MEGF6: variants seen among roughly 807,000 people sequenced by gnomAD.
MEGF6 encodes the protein multiple EGF like domains 6, also known as multiple epidermal growth factor-like domains protein 6.
In MEGF6, 184 loss-of-function variants were observed where a neutral mutation model predicts 207.1. The ratio of observed to expected loss-of-function variants is 0.89; its 90% CI spans 0.79 to 1.00. MEGF6 has a LOEUF of 1.00. Ranked by LOEUF, MEGF6 falls within the 50% of genes least tolerant of loss-of-function variation. The pLI is 0.00. For missense variants in MEGF6, 2,282 were observed against 2,202.9 expected (o/e 1.04, Z -0.72); for synonymous variants, 1,038 against 910.0 (o/e 1.14, Z -2.53).
At chr1:3,578,415 G>A (rs2101742033) in intron 4 of MEGF6, among the ~76,000 whole-genome samples, 2 of 152,284 alleles carry the variant, frequency 1.3e-5, no homozygotes, top group East Asian at 3.9e-4. Flanking sequence ...ATCCTGTGTG[G>A]ACCCCACCTG....
At chr1:3,608,721 C>G (rs4648529) in intron 1 of MEGF6, among the ~76,000 whole-genome samples, 37,172 of 152,148 alleles carry the variant, frequency 0.24, 4,802 homozygotes, top group East Asian at 0.37. Context: ...CCGAGCCCTG[C>G]GGGTCCATGC....
At chr1:3,570,686 G>C (rs1433696304) in intron 4 of MEGF6, among the ~76,000 whole-genome samples, 1 of 152,226 alleles carries the variant, frequency 6.6e-6, no homozygotes, top group Non-Finnish European at 1.5e-5. Context: ...CTGGGAATGT[G>C]AGGATAGGAG....
At position 3,565,442 on chromosome 1, in the gene MEGF6, G is replaced by A. The variant is rs945085054; in HGVS notation, c.481+14383C>T. 1.3e-5 allele frequency among the ~76,000 whole-genome samples: 2 copies of A among 152,144 alleles called. No individual in the cohort carries two copies. The highest frequency in any genetic ancestry group is 4.8e-5 in the African/African-American group (2 of 41,424). ...TGCCAGCGCCCCACCCTGAGCACGC[G>A]GCAAGAAGGGAGGTGGGGACCCCTT... is the stretch of plus-strand genomic sequence containing the variant. On this transcript the variant is annotated intron_variant, in intron 4 of 36. Coordinates refer to ENST00000356575, the MANE Select transcript of MEGF6 (RefSeq NM_001409.4). This position sits in a 1 kb window ranked among gnomAD's most constrained non-coding sequence, Gnocchi z 4.8.
intron 34 of MEGF6, 82 bp from the exon 35 acceptor site, chr1:3,492,849 G>A (rs538907382): frequency 1.4e-4 from 218 of 1,534,886 alleles, no homozygotes; most frequent in African/African-American, 1.1e-3. Flanking sequence ...CTAGGGGCCC[G>A]CGGCAGAGCC....
At chr1:3,607,565 C>T (rs562620577) in intron 1 of MEGF6, among the ~76,000 whole-genome samples, 1 of 152,210 alleles carries the variant, frequency 6.6e-6, no homozygotes, top group Non-Finnish European at 1.5e-5. Flanking sequence ...GCCTTTCCAC[C>T]TGTGAGGATG....
intron 1 of MEGF6, among the ~76,000 whole-genome samples, chr1:3,604,141 TC>T (rs1450682061): frequency 6.6e-6 from 1 of 152,164 alleles, no homozygotes; most frequent in East Asian, 1.9e-4. Context: ...AGAGTCCAGC[TC>T]CAGGTCTCCA....
At position 3,608,440 on chromosome 1, in the gene MEGF6, G is replaced by C. The variant is rs913932221; in HGVS notation, c.131+2698C>G. On this transcript the variant is annotated intron_variant, in intron 1 of 36. Transcript: ENST00000356575. ...CCTGCTGACAACCTGCAGGCCTCAGGCTCACGAATGGGGCCCTTGGAGCCC... is the reference window on the plus strand; with the variant it reads ...CCTGCTGACAACCTGCAGGCCTCAGCCTCACGAATGGGGCCCTTGGAGCCC... 2.6e-5 allele frequency among the ~76,000 whole-genome samples: 4 copies of C among 152,262 alleles called. No individual in the cohort carries two copies. The East Asian group carries it at 7.7e-4, about 29-fold the overall frequency.
intron 26 of MEGF6, 120 bp downstream of exon 26, chr1:3,498,251 A>C: frequency 1.6e-6 from 2 of 1,284,108 alleles, no homozygotes; most frequent in Non-Finnish European, 2.1e-6. Flanking sequence ...TTGCATTCAC[A>C]GGACAACAGG....
At chr1:3,530,648 T>C (rs1295467179) in intron 4 of MEGF6, among the ~76,000 whole-genome samples, 1 of 152,200 alleles carries the variant, frequency 6.6e-6, no homozygotes, top group East Asian at 1.9e-4. Flanking sequence ...GAACGGCACC[T>C]GCCACATCCA....
chr1:3,517,302 C>G (rs1445108290), intron 5 of MEGF6, among the ~76,000 whole-genome samples: 1 of 152,186 alleles, frequency 6.6e-6, no homozygotes, highest in African/African-American at 2.4e-5. Flanking sequence ...CTCATCACCC[C>G]CTCCAGACAG....
At chr1:3,566,326 T>C (rs1461775731) in intron 4 of MEGF6, among the ~76,000 whole-genome samples, 1 of 152,168 alleles carries the variant, frequency 6.6e-6, no homozygotes. Context: ...AAGGGGGGCA[T>C]GGGTATCGCC....
At chr1:3,581,527 A>G (rs1184765458) in intron 3 of MEGF6, among the ~76,000 whole-genome samples, 1 of 152,242 alleles carries the variant, frequency 6.6e-6, no homozygotes, top group Non-Finnish European at 1.5e-5. Context: ...GCCCAGTAAC[A>G]GGAAACATCC....
In MEGF6 at chr1:3,499,781, T is replaced by C; in HGVS notation, c.2836+15A>G. 1.3e-6 allele frequency: 2 copies of C among 1,569,732 alleles called. No homozygotes were observed. Among genetic ancestry groups the C allele is most frequent in the African/African-American group, 1.3e-5 (1 of 74,158 alleles). On this transcript the variant is annotated intron_variant, in intron 22 of 36. Transcript: ENST00000356575. ...GAGGCCACCCAGCCTAGCCCCCGCC[T>C]GTGCCGTAGCTCACCATGCTCGCAG... is the stretch of plus-strand genomic sequence containing the variant.
chr1:3,509,077 A>G lies in MEGF6; in HGVS notation c.1526T>C (p.Phe509Ser), dbSNP rs768530841. ...CCGGGGGCTGGGCCCGCGCTCACCA[A>G]ACTTCTCTGTGAGCGTGTGTTCGCC... is the stretch of plus-strand genomic sequence containing the variant. ...LRGEHTLTEK[F>S]VCLDDSFGHD... is the part of the protein sequence containing the mutation. Residue 509 changes from phenylalanine to serine, a missense_variant and splice_region_variant, in exon 12 of 37, where the codon TTT (phenylalanine) becomes TCT (serine). Physicochemically the swap from Phe to Ser is radical, Grantham distance 155. Coordinates refer to ENST00000356575, the MANE Select transcript of MEGF6 (RefSeq NM_001409.4). The G allele has an allele frequency of 1.3e-6, 2 of 1,588,786 alleles. No individual in the cohort carries two copies. Among genetic ancestry groups the G allele is most frequent in the East Asian group, 4.6e-5 (2 of 43,452 alleles).
intron 4 of MEGF6, among the ~76,000 whole-genome samples, chr1:3,571,373 G>C (rs567410981): frequency 6.6e-6 from 1 of 152,164 alleles, no homozygotes; most frequent in Admixed American, 6.5e-5. Flanking sequence ...ACAGAGAGCA[G>C]GAAAACACCG....
chr1:3,496,672 C>T lies in MEGF6; in HGVS notation c.3725G>A (p.Gly1242Glu), dbSNP rs1483454152. Residue 1242 changes from glycine (G) to glutamate (E), a missense_variant, in exon 29 of 37, where the codon GGG becomes GAG. Physicochemically the swap from Gly to Glu is moderately conservative, Grantham distance 98 (BLOSUM62 -2). Coordinates refer to ENST00000356575, the MANE Select transcript of MEGF6 (RefSeq NM_001409.4). Reference protein sequence around the residue: ...GACRCPTGFLGTDCNLTCPQG... With the variant: ...GACRCPTGFLETDCNLTCPQG... ...CCACTCACTGAGGTTGCAGTCCGTCCCGAGGAACCCAGTGGGGCAGCGGCA... is the reference window on the plus strand; with the variant it reads ...CCACTCACTGAGGTTGCAGTCCGTCTCGAGGAACCCAGTGGGGCAGCGGCA... 1 of 1,571,662 alleles carries T rather than the reference C, an allele frequency of 6.4e-7. No individual in the cohort carries two copies.
intron 2 of MEGF6, among the ~76,000 whole-genome samples, chr1:3,595,828 G>A (rs961898203): frequency 2.6e-5 from 4 of 152,172 alleles, no homozygotes; most frequent in African/African-American, 9.7e-5. Flanking sequence ...TGAGCATCTC[G>A]GGGAGTTGGA....
intron 4 of MEGF6, among the ~76,000 whole-genome samples, chr1:3,577,193 G>C (rs575639167): frequency 2.6e-5 from 4 of 152,314 alleles, no homozygotes; most frequent in African/African-American, 9.6e-5. Flanking sequence ...CCACCCTCCA[G>C]CTTGTCAACT....
upstream of MEGF6, among the ~76,000 whole-genome samples, chr1:3,614,436 T>C (rs1173415179): frequency 6.6e-6 from 1 of 152,240 alleles, no homozygotes; most frequent in Non-Finnish European, 1.5e-5. Flanking sequence ...CAGATTGAAC[T>C]CATGGTAGAC....
Sources: gnomAD v4.1 joint callset for allele counts (sites outside exome capture counted in the v4.1 genomes callset) on GRCh38, gnomAD v4.1.1 for gene constraint, Gnocchi (gnomAD v3.1) non-coding constraint, MANE v1.5 for transcripts, NCBI Gene and HGNC (gene_info 2026-07-23, HGNC 2026-07-21) for gene names.